The following NPHP3 variants were observed in gnomAD, a reference collection of about 807,000 sequenced individuals.
NPHP3 encodes nephrocystin 3, also known as nephrocystin-3.
A neutral mutation model predicts 171.9 loss-of-function variants in NPHP3; 123 were observed. The observed-to-expected ratio is 0.72, with a 90% CI of 0.62 to 0.83. The LOEUF is 0.83. Ranked by LOEUF, NPHP3 falls within the 40% of genes least tolerant of loss-of-function variation. The pLI is 0.00. For synonymous variants in NPHP3, 558 were observed against 579.2 expected (o/e 0.96, Z 0.52); for missense variants, 1,506 against 1,591.9 (o/e 0.95, Z 0.92).
Position 132,687,151 on chromosome 3 carries a change from C to T in NPHP3, c.3201G>A (p.Leu1067=), listed in dbSNP as rs1939183433. ...HQKAIKKKGN[L]YGFALLRRRA... is the part of the protein sequence containing the mutation. ...CAACACAAAAGAAATCTCTCCTTAC[C>T]AAGTTGCCTTTTTTCTTTATAGCTT... The change falls in exon 22 of 27, where the codon TTG becomes TTA. Residue 1067 remains leucine (L), a splice_region_variant and synonymous_variant. Coordinates refer to ENST00000337331, the MANE Select transcript of NPHP3 (RefSeq NM_153240.5). The T allele has an allele frequency of 7.0e-7, 1 of 1,429,492 alleles. No individual in the cohort carries two copies. Among genetic ancestry groups the T allele is most frequent in the Non-Finnish European group, 9.9e-7 (1 of 1,014,702 alleles). 88.6% of individuals were successfully genotyped at this position (1,429,492 alleles called of 1,614,324 possible). A position where few individuals can be genotyped will look rare whatever the true frequency, so the allele number is the denominator to read the frequency against.
intron 1 of NPHP3, among the ~76,000 whole-genome samples, chr3:132,720,553 T>G (rs1940179926): frequency 6.6e-6 from 1 of 152,138 alleles, no homozygotes; most frequent in Admixed American, 6.5e-5. Flanking sequence ...TGCATTAAGG[T>G]TGCCCAGTAG....
Position 132,692,675 on chromosome 3 carries a change from C to T in NPHP3, c.2454G>A (p.Leu818=). The change falls in exon 17 of 27, where the codon TTG becomes TTA. Residue 818 remains leucine (L), a synonymous_variant. Transcript: ENST00000337331. ...KMCLLTYGCG[L]LRFQHLQAWE... is the part of the protein sequence containing the mutation. ...TTACCTGCAGATGTTGAAACCTAAG[C>T]AAGCCACATCCATAAGTCAACAAAC... The T allele has an allele frequency of 6.2e-7, 1 of 1,605,880 alleles. No homozygotes were observed. The highest frequency in any genetic ancestry group is 8.5e-7 in the Non-Finnish European group (1 of 1,177,294).
At chr3:132,695,045 T>C in intron 15 of NPHP3, 80 bp from the exon 16 acceptor site, 1 of 1,374,520 alleles carries the variant, frequency 7.3e-7, no homozygotes, top group South Asian at 1.2e-5. Context: ...AAAAACAACG[T>C]GAACTCTATT....
intron 15 of NPHP3, among the ~76,000 whole-genome samples, chr3:132,696,219 T>C (rs903447523): frequency 6.6e-6 from 1 of 152,064 alleles, no homozygotes; most frequent in Non-Finnish European, 1.5e-5. Flanking sequence ...TGAGAATAGA[T>C]AGAATAGGGT....
At chr3:132,706,135 G>A (rs573447510) in intron 7 of NPHP3, among the ~76,000 whole-genome samples, 5 of 152,046 alleles carry the variant, frequency 3.3e-5, no homozygotes, top group Admixed American at 6.5e-5. Flanking sequence ...CGAGGTGGGC[G>A]GTTCACGAAG....
intron 9 of NPHP3, 61 bp from the exon 10 acceptor site, chr3:132,701,594 T>C: frequency 9.7e-7 from 1 of 1,034,658 alleles, no homozygotes. Context: ...TACTGAAGAG[T>C]CAACTTCTGA....
Position 132,722,038 on chromosome 3 carries a change from G to A in NPHP3, c.318C>T (p.Asn106=), listed in dbSNP as rs775800258. 3 of 1,613,080 alleles carry A rather than the reference G, an allele frequency of 1.9e-6. No individual in the cohort carries two copies. The highest frequency in any genetic ancestry group is 1.7e-6 in the Non-Finnish European group (2 of 1,179,924). Residue 106 remains asparagine, a synonymous_variant, in exon 1 of 27, where the codon AAC becomes AAT. Transcript: ENST00000337331. ...KEYEIFRVSK[N]QELLSMGRRE... ...GGCGGCCCATGGACAACAACTCCTG[G>A]TTCTTGCTGACGCGAAAGATCTCGT...
At position 132,691,358 on chromosome 3, in the gene NPHP3, A is replaced by G. The variant is rs2271491; in HGVS notation, c.2476-72T>C. 0.11 allele frequency: 117,708 copies of G among 1,034,846 alleles called. 7,385 individuals are homozygous for G. Among genetic ancestry groups the G allele is most frequent in the Middle Eastern group, 0.16 (777 of 4,942 alleles). The allele number at this position is 1,034,846 out of a possible 1,614,324, so 64.1% of individuals were successfully genotyped here. A position where few individuals can be genotyped will look rare whatever the true frequency, so the allele number is the denominator to read the frequency against. The stretch of plus-strand genomic sequence containing the variant: ...CTGTACATCTAACAAGAGATTTGCA[A>G]AAAAGAATTTATAATTATTCCTATT... On this transcript the variant is annotated intron_variant, in intron 17 of 26. Coordinates refer to ENST00000337331, the MANE Select transcript of NPHP3 (RefSeq NM_153240.5).
intron 8 of NPHP3, among the ~76,000 whole-genome samples, chr3:132,704,729 T>C (rs1400612274): frequency 6.6e-6 from 1 of 152,206 alleles, no homozygotes; most frequent in Middle Eastern, 3.2e-3. Flanking sequence ...CTATAAGAAT[T>C]GAATTACTAA....
chr3:132,682,414 C>T, intron 26 of NPHP3: 1 of 550,046 alleles, frequency 1.8e-6, no homozygotes, highest in East Asian at 3.2e-5. Context: ...TTAATGGCAA[C>T]TTCACTCTGG....
intron 19 of NPHP3, among the ~76,000 whole-genome samples, chr3:132,689,964 G>GA (rs1293950835): frequency 6.6e-6 from 1 of 152,002 alleles, no homozygotes; most frequent in Non-Finnish European, 1.5e-5. Context: ...AAGTAAGGCA[G>GA]AAAAAAACCC....
chr3:132,701,572 T>C (rs1939606995), intron 9 of NPHP3, 39 bp from the exon 10 acceptor site: 2 of 1,277,932 alleles, frequency 1.6e-6, no homozygotes, highest in Non-Finnish European at 2.3e-6. Context: ...AGGAAGCACA[T>C]GCCTCTGAGA....
intron 18 of NPHP3, among the ~76,000 whole-genome samples, chr3:132,690,864 A>C (rs929336858): frequency 6.6e-6 from 1 of 152,106 alleles, no homozygotes; most frequent in African/African-American, 2.4e-5. Flanking sequence ...CCAAACTCTA[A>C]AAGTATTTTC....
intron 6 of NPHP3, among the ~76,000 whole-genome samples, chr3:132,710,804 C>T (rs530937003): frequency 1.3e-5 from 2 of 152,166 alleles, no homozygotes; most frequent in East Asian, 1.9e-4. Context: ...GGAGCCTGGC[C>T]GTTTCCCTCT....
intron 6 of NPHP3, chr3:132,712,459 A>C (rs940863273): frequency 2.4e-5 from 11 of 456,834 alleles, no homozygotes; most frequent in African/African-American, 1.2e-4. Flanking sequence ...TATAGTATGA[A>C]GGCAGCTGTA....
At chr3:132,686,182 CTT>C in intron 23 of NPHP3, 76 bp downstream of exon 23, 2 of 1,500,416 alleles carry the variant, frequency 1.3e-6, no homozygotes, top group Non-Finnish European at 1.9e-6. Flanking sequence ...TAGCTTTAGA[CTT>C]GACAAAAATG....
In NPHP3 at chr3:132,722,110, T is replaced by C. The variant is rs1576691395; in HGVS notation, c.246A>G (p.Pro82=). 16 of 1,606,382 alleles carry C rather than the reference T, an allele frequency of 1.0e-5. No homozygotes were observed. Among genetic ancestry groups the C allele is most frequent in the Admixed American group, 1.7e-5 (1 of 59,956 alleles). ...ACTCGGCCGCCGCGTACTCCAGCTC[T>C]GGCACCGACGAGCCAGTGGACTTGA... ...ASFKSTGSSV[P]ELEYAAAEYE... The change falls in exon 1 of 27, where the codon CCA becomes CCG. Residue 82 remains proline, a synonymous_variant. Transcript: ENST00000337331.
intron 6 of NPHP3, among the ~76,000 whole-genome samples, chr3:132,712,723 G>A (rs1173021598): frequency 6.6e-6 from 1 of 151,490 alleles, no homozygotes; most frequent in Admixed American, 6.6e-5. Flanking sequence ...CCGAGATTGC[G>A]CCACTGCACT....
chr3:132,719,161 T>G lies in NPHP3; in HGVS notation c.520-17A>C. 6.3e-7 allele frequency: 1 copy of G among 1,580,956 alleles called. No homozygotes were observed. On this transcript the variant is annotated splice_polypyrimidine_tract_variant and intron_variant, in intron 2 of 26. Coordinates refer to ENST00000337331, the MANE Select transcript of NPHP3 (RefSeq NM_153240.5). ...CCTAAAAATCTTTAAAAAGAATAAT[T>G]TTAATGTTGAAAGCTTTTTCATAAT...
Sources: allele counts gnomAD v4.1 joint callset (sites outside exome capture counted in the v4.1 genomes callset), GRCh38; gene constraint gnomAD v4.1.1; transcripts MANE v1.5; gene names NCBI Gene and HGNC (gene_info 2026-07-23, HGNC 2026-07-21).